The following MYPOP variants were observed in gnomAD, a reference collection of about 807,000 sequenced individuals.
The protein encoded by MYPOP is myb-related transcription factor, partner of profilin.
In MYPOP, 21 loss-of-function variants were observed where a neutral mutation model predicts 25.7. That is an observed-to-expected ratio of 0.82 (90% CI 0.58 to 1.18). The LOEUF (loss-of-function observed/expected upper bound fraction) is 1.18. Ranked by LOEUF, MYPOP falls within the 50% of genes most tolerant of loss-of-function variation. MYPOP has a pLI of 0.00. For synonymous variants in MYPOP, 280 were observed against 247.9 expected (o/e 1.13, Z -1.22); for missense variants, 566 against 588.3 (o/e 0.96, Z 0.39).
intron 2 of MYPOP, among the ~76,000 whole-genome samples, chr19:45,895,649 CACA>C (rs147241591): frequency 0.035 from 5,348 of 152,178 alleles, 301 homozygotes; most frequent in African/African-American, 0.11. Context: ...CAATGTCCAG[CACA>C]ACATTTTTTC....
In MYPOP at chr19:45,890,442, TG is replaced by T. The variant is rs903139034; in HGVS notation, c.*180del. 36 of 962,962 alleles carry T rather than the reference TG, an allele frequency of 3.7e-5. No homozygotes were observed. The highest frequency in any genetic ancestry group is 7.3e-5 in the South Asian group (4 of 54,566). 59.7% of individuals were successfully genotyped at this position (962,962 alleles called of 1,614,324 possible). A position where few individuals can be genotyped will look rare whatever the true frequency, so the allele number is the denominator to read the frequency against. ...ACAGCACTGTACCAGAGAAAGGGGT[TG>T]GGGGGGCCCATTACTGAGGCCCCCC... On this transcript the variant is annotated 3_prime_UTR_variant, in exon 3 of 3. Transcript: ENST00000322217.
In MYPOP at chr19:45,899,624, G is replaced by T. The variant is rs532586678; in HGVS notation, c.499+1651C>A. On this transcript the variant is annotated intron_variant, in intron 2 of 2. Coordinates refer to ENST00000322217, the MANE Select transcript of MYPOP (RefSeq NM_001012643.4). ...GGAGGCCGAGGTGGGTGGATCACCT[G>T]AGGTCGGGAGTTCCAGACCAGCCTG... 2.0e-5 allele frequency among the ~76,000 whole-genome samples: 3 copies of T among 152,280 alleles called. No individual in the cohort carries two copies. The South Asian group carries it at 6.2e-4, about 32-fold the overall frequency.
intron 2 of MYPOP, among the ~76,000 whole-genome samples, chr19:45,899,777 G>A (rs146957809): frequency 0.019 from 2,908 of 152,220 alleles, 96 homozygotes; most frequent in African/African-American, 0.065. Context: ...GGAGGCGGAG[G>A]TTGCAGCAAG....
chr19:45,901,662 G>T lies in MYPOP; in HGVS notation c.112C>A (p.Gln38Lys), dbSNP rs1476579156. The change falls in exon 2 of 3, where the codon CAG becomes AAG. Residue 38 changes from glutamine (Q) to lysine (K), a missense_variant. Physicochemically the swap from Gln to Lys is moderately conservative, Grantham distance 53. Transcript: ENST00000322217. This position sits in a 1 kb window ranked among gnomAD's most constrained non-coding sequence, Gnocchi z 5.7. ...LIREVRAHYP[Q>K]LYGAQSRRVS... Reference sequence around the variant, plus strand: ...CGACGGCTCTGCGCGCCGTAGAGCTGCGGGTAGTGGGCGCGCACCTCGCGG... The same window carrying T: ...CGACGGCTCTGCGCGCCGTAGAGCTTCGGGTAGTGGGCGCGCACCTCGCGG... The T allele has an allele frequency of 6.2e-7, 1 of 1,609,624 alleles. No homozygotes were observed. The highest frequency in any genetic ancestry group is 2.2e-5 in the East Asian group (1 of 44,720).
intron 2 of MYPOP, among the ~76,000 whole-genome samples, chr19:45,892,878 G>C (rs1253940983): frequency 6.6e-6 from 1 of 152,140 alleles, no homozygotes; most frequent in African/African-American, 2.4e-5. Context: ...TCCACCAGCA[G>C]CCTGAGGGGT....
chr19:45,900,499 T>G (rs2146382369), intron 2 of MYPOP, among the ~76,000 whole-genome samples: 1 of 66,770 alleles, frequency 1.5e-5, no homozygotes, highest in South Asian at 5.7e-4. Context: ...CCACAGTCCC[T>G]GGGATCCCCT....
chr19:45,898,888 CT>C (rs1175129267), intron 2 of MYPOP, among the ~76,000 whole-genome samples: 1 of 152,202 alleles, frequency 6.6e-6, no homozygotes, highest in Admixed American at 6.5e-5. Context: ...GGTATACAGT[CT>C]GTTTTGGGAC....
At chr19:45,902,033 G>C (rs1967306695) in intron 1 of MYPOP, among the ~76,000 whole-genome samples, 2 of 151,258 alleles carry the variant, frequency 1.3e-5, no homozygotes, top group African/African-American at 4.9e-5. Context: ...CGCGCGGCGC[G>C]AAGTGCCACG....
chr19:45,891,016 A>G lies in MYPOP; in HGVS notation c.807T>C (p.Thr269=). 6.6e-7 allele frequency: 1 copy of G among 1,517,622 alleles called. No individual in the cohort carries two copies. The highest frequency in any genetic ancestry group is 2.5e-5 in the East Asian group (1 of 40,362). 94.0% of individuals were successfully genotyped at this position (1,517,622 alleles called of 1,614,324 possible). A position where few individuals can be genotyped will look rare whatever the true frequency, so the allele number is the denominator to read the frequency against. Residue 269 remains threonine (T), a synonymous_variant, in exon 3 of 3, where the codon ACT becomes ACC. Coordinates refer to ENST00000322217, the MANE Select transcript of MYPOP (RefSeq NM_001012643.4). The part of the protein sequence containing the change: ...SLDFLRAQQE[T]ANAIRELAGT... The stretch of plus-strand genomic sequence containing the variant: ...CGGCCAGCTCCCGGATGGCGTTGGC[A>G]GTCTCCTGCTGGGCCCGCAGGAAGT...
intron 2 of MYPOP, among the ~76,000 whole-genome samples, chr19:45,896,761 G>A: frequency 6.6e-6 from 1 of 151,356 alleles, no homozygotes; most frequent in Non-Finnish European, 1.5e-5. Context: ...GAGTAGCTGG[G>A]ACTACAGGCG....
At chr19:45,893,533 A>G (rs1967155034) in intron 2 of MYPOP, among the ~76,000 whole-genome samples, 1 of 143,530 alleles carries the variant, frequency 7.0e-6, no homozygotes, top group South Asian at 2.2e-4. Flanking sequence ...GCATCATTGC[A>G]CTCCAGCCTG....
Position 45,902,604 on chromosome 19 carries a change from G to C in MYPOP, c.-87C>G, listed in dbSNP as rs912401979. On this transcript the variant is annotated 5_prime_UTR_variant, in exon 1 of 3. Transcript: ENST00000322217. ...CGCAGCCGCCGGTGGGTCAGGGCTC[G>C]GGCTTCTGCGGCCTGTTCCCACCCC... The C allele has an allele frequency of 1.3e-5, 2 of 152,196 alleles. No individual in the cohort carries two copies. Among genetic ancestry groups the C allele is most frequent in the African/African-American group, 2.4e-5 (1 of 41,434 alleles). The allele number at this position is 152,196 out of a possible 1,614,324, so 9.4% of individuals were successfully genotyped here.
Position 45,890,047 on chromosome 19 carries a change from T to A in MYPOP, c.*576A>T, listed in dbSNP as rs1967094378. The A allele has an allele frequency of 6.6e-6, 1 of 152,138 alleles. No homozygotes were observed. Among genetic ancestry groups the A allele is most frequent in the African/African-American group, 2.4e-5 (1 of 41,410 alleles). 9.4% of individuals were successfully genotyped at this position (152,138 alleles called of 1,614,324 possible). ...ATTGTATTAAAAATAAGTTTATTGA[T>A]ATCTTGTCACCACTGGGAGAAAGGA... On this transcript the variant is annotated 3_prime_UTR_variant, in exon 3 of 3. Coordinates refer to ENST00000322217, the MANE Select transcript of MYPOP (RefSeq NM_001012643.4).
intron 2 of MYPOP, among the ~76,000 whole-genome samples, chr19:45,894,926 C>A (rs1178243759): frequency 6.6e-6 from 1 of 151,940 alleles, no homozygotes; most frequent in East Asian, 1.9e-4. Flanking sequence ...ACCATGTTGG[C>A]CAGATGGTCT....
intron 2 of MYPOP, among the ~76,000 whole-genome samples, chr19:45,893,439 A>G (rs985061357): frequency 2.0e-5 from 3 of 151,096 alleles, no homozygotes; most frequent in Non-Finnish European, 4.4e-5. Context: ...ATGGTGGTGC[A>G]TGCCTGTAAT....
At chr19:45,895,005 G>A (rs186113840) in intron 2 of MYPOP, among the ~76,000 whole-genome samples, 54 of 152,124 alleles carry the variant, frequency 3.5e-4, no homozygotes, top group Non-Finnish European at 2.9e-5. Context: ...TGTAAGCACT[G>A]CGCCCGGCCT....
At chr19:45,895,527 T>C (rs1967190582) in intron 2 of MYPOP, among the ~76,000 whole-genome samples, 1 of 152,106 alleles carries the variant, frequency 6.6e-6, no homozygotes, top group African/African-American at 2.4e-5. Flanking sequence ...CCAGCACTTA[T>C]CTCCACCTGG....
At chr19:45,895,142 T>C (rs1476219630) in intron 2 of MYPOP, among the ~76,000 whole-genome samples, 1 of 152,220 alleles carries the variant, frequency 6.6e-6, no homozygotes, top group Admixed American at 6.5e-5. Flanking sequence ...CCCTGCACGA[T>C]CTTCCCCCAT....
At position 45,896,678 on chromosome 19, in the gene MYPOP, T is replaced by C. The variant is rs192518020; in HGVS notation, c.499+4597A>G. The stretch of plus-strand genomic sequence containing the variant: ...CTGTCGCCCAGGCCGGACTGCGGAC[T>C]GCAGTGGCGCAATCTCGGCTCACTG... On this transcript the variant is annotated intron_variant, in intron 2 of 2. Coordinates refer to ENST00000322217, the MANE Select transcript of MYPOP (RefSeq NM_001012643.4). Among the ~76,000 whole-genome samples the C allele has an allele frequency of 4.9e-3, 726 of 149,332 alleles. 8 individuals are homozygous for C. Among genetic ancestry groups the C allele is most frequent in the African/African-American group, 0.017 (693 of 40,820 alleles).
Sources: gnomAD v4.1 joint callset for allele counts (sites outside exome capture counted in the v4.1 genomes callset) on GRCh38, gnomAD v4.1.1 for gene constraint, Gnocchi (gnomAD v3.1) non-coding constraint, MANE v1.5 for transcripts, NCBI Gene and HGNC (gene_info 2026-07-23, HGNC 2026-07-21) for gene names.